SLC19A3: variants seen among roughly 807,000 people sequenced by gnomAD.
The protein encoded by SLC19A3 is thiamine transporter 2.
Under a neutral mutation model 40.2 loss-of-function variants are expected in SLC19A3, and 31 were observed. The observed-to-expected ratio is 0.77, with a 90% CI of 0.58 to 1.04. The LOEUF (loss-of-function observed/expected upper bound fraction) is 1.04, where lower values mean the gene tolerates loss of function less well. Ranked by LOEUF, SLC19A3 falls within the 50% of genes least tolerant of loss-of-function variation. The pLI is 0.00. For missense variants in SLC19A3, 592 were observed against 596.7 expected (o/e 0.99, Z 0.08); for synonymous variants, 212 against 227.5 (o/e 0.93, Z 0.61).
At chr2:227,709,561 A>C (rs1696069466) in intron 1 of SLC19A3, among the ~76,000 whole-genome samples, 1 of 152,088 alleles carries the variant, frequency 6.6e-6, no homozygotes, top group Non-Finnish European at 1.5e-5. Context: ...TTTTCTAGCT[A>C]AGGTAAAGCC....
intron 1 of SLC19A3, among the ~76,000 whole-genome samples, chr2:227,710,648 C>T (rs1419841254): frequency 1.3e-5 from 2 of 152,012 alleles, no homozygotes; most frequent in African/African-American, 2.4e-5. Flanking sequence ...TCAGCTCCTT[C>T]CCCCCCAGTT....
chr2:227,704,277 T>C lies in SLC19A3; in HGVS notation c.-2-1957A>G, dbSNP rs939979144. The stretch of plus-strand genomic sequence containing the variant: ...ACTGAGAATAAATTCAAGTGCTGCC[T>C]GGTTTTCGTGAGTGCATCTCACTTC... On this transcript the variant is annotated intron_variant, in intron 1 of 5. Coordinates refer to ENST00000644224, the MANE Select transcript of SLC19A3 (RefSeq NM_025243.4). Among the ~76,000 whole-genome samples, 29 of 152,168 alleles carry C rather than the reference T, an allele frequency of 1.9e-4. 1 individual carries two copies. The highest frequency in any genetic ancestry group is 3.1e-4 in the Non-Finnish European group (21 of 68,020).
chr2:227,707,616 A>AAAAAT (rs1221840400), intron 1 of SLC19A3, among the ~76,000 whole-genome samples: 22 of 146,978 alleles, frequency 1.5e-4, no homozygotes, highest in African/African-American at 4.8e-4. Context: ...TATAATAAAA[A>AAAAAT]AAAACAAATT....
At chr2:227,694,013 T>C (rs765771817) in intron 4 of SLC19A3, among the ~76,000 whole-genome samples, 1 of 152,178 alleles carries the variant, frequency 6.6e-6, no homozygotes, top group Non-Finnish European at 1.5e-5. Flanking sequence ...AAAACTACAA[T>C]GAGATATTAT....
At chr2:227,712,183 C>T (rs966012004) in intron 1 of SLC19A3, among the ~76,000 whole-genome samples, 2 of 151,616 alleles carry the variant, frequency 1.3e-5, no homozygotes, top group African/African-American at 4.8e-5. Flanking sequence ...GCAGGAGGGT[C>T]ACTTGAGCCT....
chr2:227,704,729 G>A (rs62191378), intron 1 of SLC19A3, among the ~76,000 whole-genome samples: 6 of 151,980 alleles, frequency 3.9e-5, no homozygotes, highest in South Asian at 2.1e-4. Context: ...TCAAGGTGTC[G>A]GTGAGCTGTG....
At chr2:227,695,507 T>C (rs112909305) in intron 4 of SLC19A3, 3 of 225,644 alleles carry the variant, frequency 1.3e-5, no homozygotes, top group Non-Finnish European at 1.8e-5. Context: ...GAGGTTGAGG[T>C]TGGGGACTCA....
At chr2:227,688,859 C>T (rs72961078) in intron 4 of SLC19A3, among the ~76,000 whole-genome samples, 6,987 of 151,948 alleles carry the variant, frequency 0.046, 228 homozygotes, top group Non-Finnish European at 0.073. Context: ...GTTAAGAAAA[C>T]GCAAAGAAAT....
Position 227,695,961 on chromosome 2 carries a change from G to T in SLC19A3, c.1100C>A (p.Ala367Asp). ...GCCAGCATAGCACGCCCAGATATTG[G>T]CTGTGTAATGCATGAGAAATAAAGA... Reference protein sequence around the residue: ...AGSLFLMHYTANIWACYAGYL... With the variant: ...AGSLFLMHYTDNIWACYAGYL... Residue 367 changes from alanine to aspartate, a missense_variant, in exon 4 of 6, where the codon GCC (alanine) becomes GAC (aspartate). By Grantham distance (126) the Ala-to-Asp change is moderately radical. Coordinates refer to ENST00000644224, the MANE Select transcript of SLC19A3 (RefSeq NM_025243.4). 3 of 1,614,124 alleles carry T rather than the reference G, an allele frequency of 1.9e-6. No homozygotes were observed. Among genetic ancestry groups the T allele is most frequent in the Non-Finnish European group, 2.5e-6 (3 of 1,180,026 alleles).
In SLC19A3 at chr2:227,687,492, A is replaced by G. The variant is rs1695060698; in HGVS notation, c.1396T>C (p.Ser466Pro). The change falls in exon 6 of 6, where the codon TCC (serine) becomes CCC (proline). Residue 466 changes from serine to proline, a missense_variant. Coordinates refer to ENST00000644224, the MANE Select transcript of SLC19A3 (RefSeq NM_025243.4). ...GCAGGGCTCTGTACATCCTTCTGGG[A>G]TTTGGTTGAGTAGGTAATATACATG... ...RSMYITYSTK[S>P]QKDVQSPAPS... 6.2e-7 allele frequency: 1 copy of G among 1,614,086 alleles called. No individual in the cohort carries two copies. The highest frequency in any genetic ancestry group is 1.7e-5 in the Admixed American group (1 of 60,012).
intron 4 of SLC19A3, among the ~76,000 whole-genome samples, chr2:227,692,774 C>A (rs1475544591): frequency 6.6e-6 from 1 of 152,154 alleles, no homozygotes; most frequent in Non-Finnish European, 1.5e-5. Flanking sequence ...TCCTTGCTTG[C>A]AGACGATATG....
Position 227,686,034 on chromosome 2 carries a change from T to C in SLC19A3, c.*1363A>G. 3.2e-6 allele frequency: 1 copy of C among 314,422 alleles called. No individual in the cohort carries two copies. Among genetic ancestry groups the C allele is most frequent in the Non-Finnish European group, 6.5e-6 (1 of 154,866 alleles). 19.5% of individuals were successfully genotyped at this position (314,422 alleles called of 1,614,324 possible). A position where few individuals can be genotyped will look rare whatever the true frequency, so the allele number is the denominator to read the frequency against. On this transcript the variant is annotated 3_prime_UTR_variant, in exon 6 of 6. Coordinates refer to ENST00000644224, the MANE Select transcript of SLC19A3 (RefSeq NM_025243.4). ...CAACATTGTGAAACCCCATCTCCAC[T>C]AAAAATACAAAAATTAGCCAGGCGT...
At position 227,699,396 on chromosome 2, in the gene SLC19A3, G is replaced by A; in HGVS notation, c.319C>T (p.Gln107Ter). 6.2e-7 allele frequency: 1 copy of A among 1,614,138 alleles called. No homozygotes were observed. The highest frequency in any genetic ancestry group is 8.5e-7 in the Non-Finnish European group (1 of 1,180,030). Residue 107 changes from glutamine to a stop codon, truncating the protein, a stop_gained, in exon 3 of 6, where the codon CAG (glutamine) becomes TAG (stop). Transcript: ENST00000644224. LOFTEE classifies it high-confidence loss of function. ...ATCCCATAGAAGAACTCTACAACCT[G>A]CATGGTCTTCACTCCTTGGCCAAAC... is the stretch of plus-strand genomic sequence containing the variant. ...LLFGQGVKTM[Q>*]VVEFFYGMVT...
Position 227,688,313 on chromosome 2 carries a change from A to G in SLC19A3, c.1173-6T>C. ...GATTAACTGCAATCTGAAATCTATC[A>G]TTAAACATAAATAAGCATTTTAACT... On this transcript the variant is annotated splice_region_variant and splice_polypyrimidine_tract_variant and intron_variant, in intron 4 of 5. Transcript: ENST00000644224. The G allele has an allele frequency of 1.9e-6, 3 of 1,613,478 alleles. No homozygotes were observed. Among genetic ancestry groups the G allele is most frequent in the Non-Finnish European group, 2.5e-6 (3 of 1,179,450 alleles).
chr2:227,711,336 C>G (rs1419721416), intron 1 of SLC19A3, among the ~76,000 whole-genome samples: 1 of 151,816 alleles, frequency 6.6e-6, no homozygotes, highest in African/African-American at 2.4e-5. Flanking sequence ...ACAAGAATCT[C>G]TTGAACCCAG....
intron 2 of SLC19A3, 23 bp downstream of exon 2, chr2:227,702,146 G>A: frequency 6.3e-7 from 1 of 1,598,802 alleles, no homozygotes; most frequent in Non-Finnish European, 8.6e-7. Context: ...ACCACATTAA[G>A]ATATGTATGT....
intron 4 of SLC19A3, among the ~76,000 whole-genome samples, chr2:227,689,326 C>T (rs1448408251): frequency 6.6e-6 from 1 of 151,982 alleles, no homozygotes; most frequent in Non-Finnish European, 1.5e-5. Context: ...TAATCAAACT[C>T]CCAAAGGTTA....
chr2:227,707,868 C>T (rs150237551), intron 1 of SLC19A3, among the ~76,000 whole-genome samples: 3,106 of 152,274 alleles, frequency 0.02, 114 homozygotes, highest in African/African-American at 0.072. Flanking sequence ...GTTGAGATTA[C>T]AGGTGCCTGC....
chr2:227,693,085 A>C (rs968969637), intron 4 of SLC19A3, among the ~76,000 whole-genome samples: 15 of 152,332 alleles, frequency 9.8e-5, no homozygotes, highest in Admixed American at 5.9e-4. Flanking sequence ...ATATTCATGG[A>C]CTGGAGGAAT....
Sources: gnomAD v4.1 joint callset for allele counts (sites outside exome capture counted in the v4.1 genomes callset) on GRCh38, gnomAD v4.1.1 for gene constraint, MANE v1.5 for transcripts, NCBI Gene and HGNC (gene_info 2026-07-23, HGNC 2026-07-21) for gene names.